PRKG2: variants seen among roughly 807,000 people sequenced by gnomAD.
The protein encoded by PRKG2 is protein kinase cGMP-dependent 2.
PRKG2 carries 33 observed loss-of-function variants against 97.2 expected under a neutral mutation model. The observed-to-expected ratio is 0.34, with a 90% CI of 0.26 to 0.45. PRKG2 has a LOEUF of 0.45. Ranked by LOEUF, PRKG2 falls within the 20% of genes least tolerant of loss-of-function variation. The pLI, the probability that PRKG2 is intolerant of heterozygous loss-of-function variation, is 1.00. For missense variants in PRKG2, 638 were observed against 900.0 expected (o/e 0.71, Z 3.73); for synonymous variants, 330 against 321.8 (o/e 1.03, Z -0.27).
chr4:81,095,804 T>C (rs1742053135), intron 17 of PRKG2, among the ~76,000 whole-genome samples: 1 of 152,154 alleles, frequency 6.6e-6, no homozygotes, highest in Admixed American at 6.6e-5. Context: ...AAAACAATGT[T>C]AAAATACAGG....
chr4:81,142,859 A>T lies in PRKG2; in HGVS notation c.1342T>A (p.Ser448Thr). The change falls in exon 11 of 19, where the codon TCC becomes ACC. Residue 448 changes from serine to threonine, a missense_variant. This residue lies in a region of PRKG2 where 304 missense variants were observed against 460.5 expected (regional missense o/e 0.66). Transcript: ENST00000264399. ...KEKVARFSSS[S>T]PFQNLEIIAT... ...ATAATCTCAAGGTTCTGGAATGGGG[A>T]TGATGAGGAAAATCTGGCCACCTTC... The T allele has an allele frequency of 6.2e-7, 1 of 1,613,404 alleles. No homozygotes were observed. The highest frequency in any genetic ancestry group is 1.1e-5 in the South Asian group (1 of 90,930).
At chr4:81,154,781 C>T (rs992114034) in intron 6 of PRKG2, among the ~76,000 whole-genome samples, 2 of 152,202 alleles carry the variant, frequency 1.3e-5, no homozygotes, top group Non-Finnish European at 2.9e-5. Flanking sequence ...ATGACTTTGA[C>T]GAGCTGCGAG....
intron 8 of PRKG2, among the ~76,000 whole-genome samples, chr4:81,150,326 T>C (rs1056099950): frequency 3.9e-5 from 6 of 152,180 alleles, no homozygotes; most frequent in Admixed American, 1.3e-4. Flanking sequence ...GTTTCTTCCA[T>C]AGTAACTGTG....
upstream of PRKG2, among the ~76,000 whole-genome samples, chr4:81,216,892 TG>T (rs1284346334): frequency 1.3e-4 from 3 of 22,720 alleles, no homozygotes; most frequent in African/African-American, 2.2e-3. Flanking sequence ...AGTATTCCAT[TG>T]TGTGTGTGTG....
intron 17 of PRKG2, among the ~76,000 whole-genome samples, chr4:81,093,070 T>C (rs1409650502): frequency 6.6e-6 from 1 of 152,162 alleles, no homozygotes; most frequent in Non-Finnish European, 1.5e-5. Context: ...TCCATGTCTT[T>C]GCTGTAACCT....
At chr4:81,096,984 T>G (rs1042737770) in intron 17 of PRKG2, among the ~76,000 whole-genome samples, 1 of 152,192 alleles carries the variant, frequency 6.6e-6, no homozygotes, top group African/African-American at 2.4e-5. Flanking sequence ...CAGAAGGTTT[T>G]CAACTCACTT....
At chr4:81,214,183 G>A (rs1754155662) in intron 1 of PRKG2, among the ~76,000 whole-genome samples, 1 of 148,266 alleles carries the variant, frequency 6.7e-6, no homozygotes, top group South Asian at 2.2e-4. Context: ...AGGAGAAGAA[G>A]AAGAAGGAAA....
intron 12 of PRKG2, among the ~76,000 whole-genome samples, chr4:81,137,819 TCTC>T (rs1746860500): frequency 6.6e-6 from 1 of 152,236 alleles, no homozygotes. Context: ...AAATATGTCC[TCTC>T]CTTTTTCCAA....
At chr4:81,194,438 TAATTTGAGAAACTAGCGTGACAAA>T (rs1483078627) in intron 2 of PRKG2, among the ~76,000 whole-genome samples, 5 of 152,072 alleles carry the variant, frequency 3.3e-5, no homozygotes, top group Non-Finnish European at 7.4e-5. Context: ...CACAAGTTTA[TAATTTGAGAAACTAGCGTGACAAA>T]AATGAGGTCA....
chr4:81,117,271 G>C (rs1412029183), intron 14 of PRKG2, among the ~76,000 whole-genome samples: 4 of 151,986 alleles, frequency 2.6e-5, no homozygotes, highest in African/African-American at 9.7e-5. Context: ...TGGGATTACG[G>C]GCACTGTGCC....
chr4:81,093,631 A>G (rs193027782), intron 17 of PRKG2, among the ~76,000 whole-genome samples: 2 of 152,226 alleles, frequency 1.3e-5, no homozygotes, highest in East Asian at 1.9e-4. Context: ...TGATTGAATG[A>G]CTCTGCAAAG....
At chr4:81,112,549 C>T (rs1019028070) in intron 14 of PRKG2, among the ~76,000 whole-genome samples, 14 of 152,158 alleles carry the variant, frequency 9.2e-5, no homozygotes, top group Non-Finnish European at 1.9e-4. Context: ...AGGAGAATTT[C>T]TCTAGCTCTG....
rs922700315 is a variant in PRKG2 at position 81,184,962 on chromosome 4, A to C, written c.462-10003T>G. On this transcript the variant is annotated intron_variant, in intron 2 of 18. Transcript: ENST00000264399. The stretch of plus-strand genomic sequence containing the variant: ...AGAGAAAAAAGAATGAAAAGGAATG[A>C]ACAAAGCCTAATATGTGAAAAGACC... Among the ~76,000 whole-genome samples the C allele has an allele frequency of 1.3e-5, 2 of 149,302 alleles. 1 individual carries two copies. The highest frequency in any genetic ancestry group is 2.9e-5 in the Non-Finnish European group (2 of 67,858).
Position 81,153,695 on chromosome 4 carries a change from G to T in PRKG2, c.939C>A (p.Ile313=). 6.2e-7 allele frequency: 1 copy of T among 1,606,820 alleles called. No homozygotes were observed. Among genetic ancestry groups the T allele is most frequent in the East Asian group, 2.2e-5 (1 of 44,846 alleles). The change falls in exon 7 of 19, where the codon ATC becomes ATA. Residue 313 remains isoleucine (I), a synonymous_variant. Transcript: ENST00000264399. ...EVEYYDKGDY[I]IREGEEGSTF... ...TACTTCCTTCCTCGCCCTCTCTAAT[G>T]ATGTAATCTCCTTTGTCATAGTATT...
At chr4:81,134,812 T>G (rs542788121) in intron 14 of PRKG2, among the ~76,000 whole-genome samples, 1 of 152,248 alleles carries the variant, frequency 6.6e-6, no homozygotes, top group Admixed American at 6.5e-5. Flanking sequence ...TTATCTTCTT[T>G]TATTATTCCT....
In PRKG2 at chr4:81,151,943, A is replaced by G. The variant is rs773713625; in HGVS notation, c.1085+17T>C. 1 of 1,564,242 alleles carries G rather than the reference A, an allele frequency of 6.4e-7. No individual in the cohort carries two copies. Among genetic ancestry groups the G allele is most frequent in the Non-Finnish European group, 8.8e-7 (1 of 1,138,170 alleles). On this transcript the variant is annotated intron_variant, in intron 8 of 18. Transcript: ENST00000264399. ...AAGCATTTTATCCAAAGTATGGCAT[A>G]TAATTCATGAATTCACCTGATAAGA...
At chr4:81,154,775 CTT>C (rs1452639561) in intron 6 of PRKG2, among the ~76,000 whole-genome samples, 2 of 152,208 alleles carry the variant, frequency 1.3e-5, no homozygotes, top group African/African-American at 4.8e-5. Flanking sequence ...CGGAGAATGA[CTT>C]TGACGAGCTG....
rs374962355 is a variant in PRKG2 at position 81,131,896 on chromosome 4, TC to T, written c.1776+3258del. On this transcript the variant is annotated intron_variant, in intron 14 of 18. Coordinates refer to ENST00000264399, the MANE Select transcript of PRKG2 (RefSeq NM_006259.3). The stretch of plus-strand genomic sequence containing the variant: ...ACACATTCTTTAATTTTGTTCTTTT[TC>T]AAAGTGTTTATCGACCCTTCTAATC... 7.0e-4 allele frequency among the ~76,000 whole-genome samples: 106 copies of T among 152,310 alleles called. 2 individuals are homozygous for T. The highest frequency in any genetic ancestry group is 2.4e-3 in the African/African-American group (100 of 41,590).
At chr4:81,185,255 C>A (rs1407265320) in intron 2 of PRKG2, among the ~76,000 whole-genome samples, 3 of 152,110 alleles carry the variant, frequency 2.0e-5, no homozygotes, top group Admixed American at 2.0e-4. Context: ...CAAAGAGAAG[C>A]CCATCAGACT....
Sources: gnomAD v4.1 joint callset for allele counts (sites outside exome capture counted in the v4.1 genomes callset) on GRCh38, gnomAD v4.1.1 for gene constraint, gnomAD v4.1.1 regional missense constraint, MANE v1.5 for transcripts, NCBI Gene and HGNC (gene_info 2026-07-23, HGNC 2026-07-21) for gene names.